The following DHRS1 variants were observed in gnomAD, a reference collection of about 807,000 sequenced individuals.
DHRS1 encodes dehydrogenase/reductase 1.
In DHRS1, 34 loss-of-function variants were observed where a neutral mutation model predicts 35.2. The observed-to-expected ratio is 0.97, with a 90% confidence interval of 0.74 to 1.29. The LOEUF is 1.29. DHRS1 is among the 50% of genes most tolerant of loss of function. The pLI is 0.00. For missense variants in DHRS1, 354 were observed against 403.6 expected, an observed-to-expected ratio of 0.88 and a Z score of 1.05; for synonymous variants, 133 against 160.0, an observed-to-expected ratio of 0.83 and a Z score of 1.27.
intron 2 of DHRS1, among the ~76,000 whole-genome samples, chr14:24,297,470 T>G (rs2041270409): frequency 6.6e-6 from 1 of 152,204 alleles, no homozygotes; most frequent in Non-Finnish European, 1.5e-5. Context: ...AATCCTCCTA[T>G]TCTCCAAATT....
At position 24,292,802 on chromosome 14, in the gene DHRS1, G is replaced by C; in HGVS notation, c.375-18C>G. On this transcript the variant is annotated intron_variant, in intron 4 of 8. Transcript: ENST00000288111. ...AGTGGCCTCTAGAAGGTGGGGCAAG[G>C]GAAGAAGGAATGAACCGTGTTAGTG... 1 of 1,607,096 alleles carries C rather than the reference G, an allele frequency of 6.2e-7. No individual in the cohort carries two copies. Among genetic ancestry groups the C allele is most frequent in the Admixed American group, 1.7e-5 (1 of 58,014 alleles).
At chr14:24,298,775 TGGC>T (rs1458077815) in intron 2 of DHRS1, 179 bp downstream of exon 2, 2 of 830,166 alleles carry the variant, frequency 2.4e-6, no homozygotes, top group Non-Finnish European at 3.5e-6. Context: ...AAAACTCACT[TGGC>T]GGCAAAATTC....
intron 6 of DHRS1, 132 bp from the exon 7 acceptor site, chr14:24,291,757 G>A (rs2041162127): frequency 4.3e-6 from 4 of 921,766 alleles, no homozygotes; most frequent in Admixed American, 3.8e-5. Context: ...AGCAGGGCCT[G>A]TAGGACCCAA....
intron 5 of DHRS1, 40 bp downstream of exon 5, chr14:24,292,612 G>T: frequency 6.2e-7 from 1 of 1,614,104 alleles, no homozygotes; most frequent in Non-Finnish European, 8.5e-7. Context: ...TAACATCACT[G>T]TCTTTTACCT....
At chr14:24,299,302 GCTGA>G in intron 1 of DHRS1, 172 bp from the exon 2 acceptor site, 1 of 591,332 alleles carries the variant, frequency 1.7e-6, no homozygotes, top group South Asian at 2.3e-5. Context: ...TGAGGACAAG[GCTGA>G]CTGTCTTTTG....
rs773755462 is a variant in DHRS1 at position 24,292,794 on chromosome 14, G to A, written c.375-10C>T. 1.9e-6 allele frequency: 3 copies of A among 1,608,448 alleles called. No individual in the cohort carries two copies. The highest frequency in any genetic ancestry group is 2.5e-6 in the Non-Finnish European group (3 of 1,177,618). ...GCAAAAGTAGTGGCCTCTAGAAGGT[G>A]GGGCAAGGGAAGAAGGAATGAACCG... On this transcript the variant is annotated splice_polypyrimidine_tract_variant and intron_variant, in intron 4 of 8. Transcript: ENST00000288111.
Position 24,292,799 on chromosome 14 carries a change from A to T in DHRS1, c.375-15T>A. On this transcript the variant is annotated splice_polypyrimidine_tract_variant and intron_variant, in intron 4 of 8. Coordinates refer to ENST00000288111, the MANE Select transcript of DHRS1 (RefSeq NM_001136050.3). ...AGTAGTGGCCTCTAGAAGGTGGGGC[A>T]AGGGAAGAAGGAATGAACCGTGTTA... 1 of 1,607,440 alleles carries T rather than the reference A, an allele frequency of 6.2e-7. No homozygotes were observed. Among genetic ancestry groups the T allele is most frequent in the South Asian group, 1.1e-5 (1 of 90,404 alleles).
At position 24,299,729 on chromosome 14, in the gene DHRS1, G is replaced by A. The variant is rs140687294; in HGVS notation, c.-173C>T. The A allele has an allele frequency of 1.2e-3, 638 of 517,274 alleles. No individual in the cohort carries two copies. In the East Asian group the frequency reaches 0.016, roughly 13 times the overall value. The allele number at this position is 517,274 out of a possible 1,614,324, so 32.0% of individuals were successfully genotyped here. ...GGGGCGATTCTGTGCTGAGGTAGAG[G>A]GGCAGAGTCCCAGGCCAAAGTTAGA... On this transcript the variant is annotated 5_prime_UTR_variant, in exon 1 of 9. Transcript: ENST00000288111.
In DHRS1 at chr14:24,297,598, C is replaced by G. The variant is rs538923734; in HGVS notation, c.151-717G>C. 1.8e-3 allele frequency among the ~76,000 whole-genome samples: 272 copies of G among 152,328 alleles called. 2 individuals are homozygous for G. The highest frequency in any genetic ancestry group is 6.2e-3 in the African/African-American group (256 of 41,568). On this transcript the variant is annotated intron_variant, in intron 2 of 8. Transcript: ENST00000288111. ...TTAATTCTTCATAATCCAGCCAGTA[C>G]GACCTATCTAAAACACAAACCCTGT...
rs368336040 is a variant in DHRS1 at position 24,299,036 on chromosome 14, G to A, written c.71C>T (p.Ala24Val). ...GGCGCCTGCTTTGCAGAGCTGCAAG[G>A]CAATGCCACGGCCAATACCCCTGGA... is the stretch of plus-strand genomic sequence containing the variant. ...GASRGIGRGI[A>V]LQLCKAGATV... The change falls in exon 2 of 9, where the codon GCC (alanine) becomes GTC (valine). Residue 24 changes from alanine (A) to valine (V), a missense_variant. By Grantham distance (64) the Ala-to-Val change is moderately conservative (BLOSUM62 0). Transcript: ENST00000288111. 2 of 1,614,120 alleles carry A rather than the reference G, an allele frequency of 1.2e-6. No individual in the cohort carries two copies. The highest frequency in any genetic ancestry group is 1.7e-6 in the Non-Finnish European group (2 of 1,179,984).
chr14:24,296,937 A>G, intron 2 of DHRS1, 56 bp from the exon 3 acceptor site: 2 of 1,608,924 alleles, frequency 1.2e-6, no homozygotes, highest in Non-Finnish European at 1.7e-6. Context: ...GAGTCATGAC[A>G]AAACTCCCCA....
intron 4 of DHRS1, among the ~76,000 whole-genome samples, chr14:24,295,854 G>A (rs114265443): frequency 8.7e-4 from 133 of 152,304 alleles, no homozygotes; most frequent in African/African-American, 3.1e-3. Context: ...CAGATTTGCC[G>A]ATAATCTCGT....
At chr14:24,293,918 A>G (rs1284980254) in intron 4 of DHRS1, 1 of 152,284 alleles carries the variant, frequency 6.6e-6, no homozygotes, top group Non-Finnish European at 1.5e-5. Flanking sequence ...TCAATGAAAC[A>G]AAACAGAGAA....
At chr14:24,292,883 C>A in intron 4 of DHRS1, 99 bp from the exon 5 acceptor site, 1 of 1,458,526 alleles carries the variant, frequency 6.9e-7, no homozygotes, top group South Asian at 1.4e-5. Flanking sequence ...TGGTTGTTGT[C>A]CACTAGGAAG....
intron 1 of DHRS1, 115 bp from the exon 2 acceptor site, chr14:24,299,245 A>T (rs1285499297): frequency 2.0e-6 from 2 of 1,024,474 alleles, no homozygotes; most frequent in Non-Finnish European, 2.8e-6. Context: ...CAAGGTAAGA[A>T]TCCTTTGAGG....
At chr14:24,296,917 A>T (rs904105488) in intron 2 of DHRS1, 36 bp from the exon 3 acceptor site, 2 of 1,613,532 alleles carry the variant, frequency 1.2e-6, no homozygotes, top group Admixed American at 1.7e-5. Flanking sequence ...TCACATTCAC[A>T]CATGGGTGTG....
chr14:24,291,054 A>G, intron 8 of DHRS1, 59 bp from the exon 9 acceptor site: 1 of 1,612,646 alleles, frequency 6.2e-7, no homozygotes, highest in Non-Finnish European at 8.5e-7. Flanking sequence ...AGATACCCTC[A>G]CCTTGGCTGG....
Position 24,292,701 on chromosome 14 carries a change from C to T in DHRS1, c.458G>A (p.Gly153Glu). Residue 153 changes from glycine (G) to glutamate (E), a missense_variant, in exon 5 of 9, where the codon GGA becomes GAA. Physicochemically the swap from Gly to Glu is moderately conservative, Grantham distance 98. Coordinates refer to ENST00000288111, the MANE Select transcript of DHRS1 (RefSeq NM_001136050.3). ...QGLIVVISSP[G>E]SLQYMFNVPY... ...GACATTGAACATATACTGCAGGCTTCCTGGGGAGGAGATGACCACGATGAG... is the reference window on the plus strand; with the variant it reads ...GACATTGAACATATACTGCAGGCTTTCTGGGGAGGAGATGACCACGATGAG... 1 of 1,614,224 alleles carries T rather than the reference C, an allele frequency of 6.2e-7. No individual in the cohort carries two copies.
intron 7 of DHRS1, 30 bp downstream of exon 7, chr14:24,291,526 T>G (rs764908743): frequency 6.2e-7 from 1 of 1,612,752 alleles, no homozygotes; most frequent in East Asian, 2.2e-5. Context: ...TCCATGCCCT[T>G]TCTTATTACC....
Sources: allele counts gnomAD v4.1 joint callset (sites outside exome capture counted in the v4.1 genomes callset), GRCh38; gene constraint gnomAD v4.1.1; transcripts MANE v1.5; gene names NCBI Gene and HGNC (gene_info 2026-07-23, HGNC 2026-07-21).